Variants in GNG4 observed in about 807,000 individuals in gnomAD.
GNG4 encodes guanine nucleotide-binding protein G(I)/G(S)/G(O) subunit gamma-4.
GNG4 carries 4 observed loss-of-function variants against 5.8 expected under a neutral mutation model. The observed-to-expected ratio is 0.69, with a 90% CI of 0.34 to 1.57. The LOEUF is 1.57. GNG4 is among the 40% of genes most tolerant of loss of function. The probability of loss-of-function intolerance (pLI) is 0.06; values close to 1 mark genes in which losing one functional copy is unlikely to be tolerated. For synonymous variants in GNG4, 29 were observed against 32.9 expected (o/e 0.88, Z 0.41); for missense variants, 96 against 95.1 (o/e 1.01, Z -0.04).
chr1:235,609,626 T>G (rs1558495902), intron 1 of GNG4, among the ~76,000 whole-genome samples: 1 of 152,198 alleles, frequency 6.6e-6, no homozygotes, highest in Non-Finnish European at 1.5e-5. Flanking sequence ...AAAGAAAAGT[T>G]TCCTGGCCGG....
intron 3 of GNG4, among the ~76,000 whole-genome samples, chr1:235,556,623 T>C (rs1304873478): frequency 1.3e-5 from 2 of 149,516 alleles, no homozygotes; most frequent in Non-Finnish European, 3.0e-5. Context: ...ACTACAGCCG[T>C]CCCCAACGTT....
At chr1:235,570,945 C>CACACAT (rs535079462) in intron 3 of GNG4, among the ~76,000 whole-genome samples, 29,283 of 114,990 alleles carry the variant, frequency 0.25, 3,954 homozygotes, top group African/African-American at 0.32. Flanking sequence ...CACACACACA[C>CACACAT]ATATATATAT....
At chr1:235,647,940 A>G (rs1395430200) in intron 1 of GNG4, among the ~76,000 whole-genome samples, 1 of 152,142 alleles carries the variant, frequency 6.6e-6, no homozygotes, top group Non-Finnish European at 1.5e-5. Context: ...ATGTTCTATC[A>G]TTTCAAAGAA....
At chr1:235,593,159 G>A (rs1455940161) in intron 2 of GNG4, among the ~76,000 whole-genome samples, 5 of 152,156 alleles carry the variant, frequency 3.3e-5, no homozygotes, top group Admixed American at 6.5e-5. Context: ...ATGTTGGCCA[G>A]GCTGATCTTG....
At chr1:235,565,272 G>A (rs566096402) in intron 3 of GNG4, among the ~76,000 whole-genome samples, 2 of 152,130 alleles carry the variant, frequency 1.3e-5, no homozygotes, top group Non-Finnish European at 2.9e-5. Flanking sequence ...AGGCCGAGGT[G>A]GGCGGATCAC....
At chr1:235,601,795 T>C (rs185271309) in intron 1 of GNG4, among the ~76,000 whole-genome samples, 181 of 152,060 alleles carry the variant, frequency 1.2e-3, no homozygotes, top group Admixed American at 3.1e-3. Context: ...CAGATATCAT[T>C]TGGGGACCTC....
chr1:235,589,291 G>A lies in GNG4; in HGVS notation c.-10-5443C>T, dbSNP rs557973167. Among the ~76,000 whole-genome samples the A allele has an allele frequency of 5.3e-5, 8 of 152,246 alleles. No homozygotes were observed. In the East Asian group the frequency reaches 1.5e-3, roughly 29 times the overall value. ...TTTGCAGGTAGACAGGGGGAGCCAG[G>A]GCACAGCACAGTTCAGCTCGTGCCC... On this transcript the variant is annotated intron_variant, in intron 2 of 3. Transcript: ENST00000391854.
intron 2 of GNG4, among the ~76,000 whole-genome samples, chr1:235,594,559 G>C (rs1350993941): frequency 6.6e-6 from 1 of 152,188 alleles, no homozygotes; most frequent in Non-Finnish European, 1.5e-5. Context: ...TGGGCTGCAG[G>C]TCCCGAGCCC....
At chr1:235,618,989 T>C (rs1688653347) in intron 1 of GNG4, among the ~76,000 whole-genome samples, 1 of 150,730 alleles carries the variant, frequency 6.6e-6, no homozygotes, top group African/African-American at 2.4e-5. Context: ...CAGAAAACTG[T>C]CCACTCTTAG....
intron 1 of GNG4, among the ~76,000 whole-genome samples, chr1:235,609,539 T>TA (rs898814547): frequency 2.4e-4 from 36 of 151,312 alleles, no homozygotes; most frequent in Admixed American, 4.6e-4. Context: ...TCATTTACTT[T>TA]AAAAAAAAAG....
intron 1 of GNG4, among the ~76,000 whole-genome samples, chr1:235,603,881 C>T (rs1027955850): frequency 6.6e-6 from 1 of 152,108 alleles, no homozygotes; most frequent in Non-Finnish European, 1.5e-5. Context: ...GTTGGCAGAC[C>T]AGCGGTTATA....
intron 3 of GNG4, chr1:235,565,810 C>A (rs1327360264): frequency 6.6e-6 from 1 of 152,184 alleles, no homozygotes; most frequent in African/African-American, 2.4e-5. Context: ...CAGTAGACTG[C>A]CCAGTCGTTC....
At position 235,608,038 on chromosome 1, in the gene GNG4, G is replaced by A. The variant is rs182194211; in HGVS notation, c.-122-12527C>T. ...CTGCAACCTCTGCCTCCCAGGCTCA[G>A]GCCATTCTCCTTCCTGAGCCTCCTG... On this transcript the variant is annotated intron_variant, in intron 1 of 3. Transcript: ENST00000391854. Among the ~76,000 whole-genome samples the A allele has an allele frequency of 3.7e-4, 56 of 151,652 alleles. No individual in the cohort carries two copies. In the East Asian group the frequency reaches 7.8e-3, roughly 21 times the overall value.
Position 235,628,871 on chromosome 1 carries a change from AT to A in GNG4, c.-123+20790del, listed in dbSNP as rs1330784264. Among the ~76,000 whole-genome samples the A allele has an allele frequency of 7.9e-5, 12 of 151,922 alleles. No homozygotes were observed. The East Asian group carries it at 2.3e-3, about 29-fold the overall frequency. Reference sequence around the variant, plus strand: ...GGTTTGCCATTCCCTTCACTTTTGCATTTGTAGAGTCTTCAGCTTCCTTTGG... The same window carrying A: ...GGTTTGCCATTCCCTTCACTTTTGCATTGTAGAGTCTTCAGCTTCCTTTGG... On this transcript the variant is annotated intron_variant, in intron 1 of 3. Coordinates refer to ENST00000391854, the MANE Select transcript of GNG4 (RefSeq NM_001098722.2).
rs73124529 is a variant in GNG4, at chr1:235,648,541, G to T, written c.-123+1121C>A. 0.029 allele frequency among the ~76,000 whole-genome samples: 4,388 copies of T among 152,310 alleles called. 222 individuals carry two copies. Among genetic ancestry groups the T allele is most frequent in the African/African-American group, 0.1 (4,206 of 41,538 alleles). On this transcript the variant is annotated intron_variant, in intron 1 of 3. Coordinates refer to ENST00000391854, the MANE Select transcript of GNG4 (RefSeq NM_001098722.2). This position sits in a 1 kb window ranked among gnomAD's most constrained non-coding sequence, Gnocchi z 5.0. ...CATACAAAAATCAGGAAAAGGAGTT[G>T]CGGGAGGAATCGAGAAGCCGGCCGC...
At chr1:235,593,760 G>A (rs995042755) in intron 2 of GNG4, among the ~76,000 whole-genome samples, 2 of 152,176 alleles carry the variant, frequency 1.3e-5, no homozygotes, top group Non-Finnish European at 2.9e-5. Context: ...GTCTGGAGTT[G>A]TTCCTTCCTC....
chr1:235,588,382 C>A (rs1446034040), intron 2 of GNG4, among the ~76,000 whole-genome samples: 7 of 152,176 alleles, frequency 4.6e-5, no homozygotes, highest in Non-Finnish European at 1.0e-4. Context: ...GCTGTGCTCT[C>A]CGACCCCAGC....
intron 3 of GNG4, among the ~76,000 whole-genome samples, chr1:235,554,252 C>G: frequency 6.6e-6 from 1 of 152,178 alleles, no homozygotes; most frequent in Non-Finnish European, 1.5e-5. Context: ...AAGTGCCCTC[C>G]CCAACTGCTG....
chr1:235,609,928 A>G (rs2102968168), intron 1 of GNG4, among the ~76,000 whole-genome samples: 1 of 152,310 alleles, frequency 6.6e-6, no homozygotes, highest in South Asian at 2.1e-4. Flanking sequence ...GGAGATGTCA[A>G]CCTAACTGCC....
Sources: allele counts gnomAD v4.1 joint callset (sites outside exome capture counted in the v4.1 genomes callset), GRCh38; gene constraint gnomAD v4.1.1; non-coding constraint Gnocchi (gnomAD v3.1); transcripts MANE v1.5; gene names NCBI Gene and HGNC (gene_info 2026-07-23, HGNC 2026-07-21).